POPDC3: variants seen among roughly 807,000 people sequenced by gnomAD.
POPDC3 encodes the protein popeye domain-containing protein 3.
POPDC3 carries 20 observed loss-of-function variants against 28.2 expected under a neutral mutation model. That is an observed-to-expected ratio of 0.71 (90% CI 0.50 to 1.03). The LOEUF (loss-of-function observed/expected upper bound fraction) is 1.03, where lower values mean the gene tolerates loss of function less well. POPDC3 is among the 50% of genes least tolerant of loss of function. The probability of loss-of-function intolerance (pLI) is 0.00; values close to 1 mark genes in which losing one functional copy is unlikely to be tolerated. For synonymous variants in POPDC3, 118 were observed against 124.1 expected, an observed-to-expected ratio of 0.95 and a Z score of 0.33; for missense variants, 316 against 345.9, an observed-to-expected ratio of 0.91 and a Z score of 0.69.
At chr6:105,163,178 T>C (rs571206078) in intron 1 of POPDC3, among the ~76,000 whole-genome samples, 1 of 152,360 alleles carries the variant, frequency 6.6e-6, no homozygotes, top group South Asian at 2.1e-4. Flanking sequence ...GAAACAAATG[T>C]ACTACTTTGT....
chr6:105,172,552 T>C (rs9500049), intron 1 of POPDC3, among the ~76,000 whole-genome samples: 23,684 of 150,324 alleles, frequency 0.16, 3,876 homozygotes, highest in African/African-American at 0.38. Context: ...ACCCAAAGGA[T>C]TATAAATCAT....
chr6:105,166,209 A>G (rs991736461), intron 1 of POPDC3, among the ~76,000 whole-genome samples: 2 of 152,192 alleles, frequency 1.3e-5, no homozygotes, highest in African/African-American at 4.8e-5. Flanking sequence ...CTAAAATGAC[A>G]TGACTCTGTA....
At chr6:105,159,675 G>A (rs762972916) in intron 3 of POPDC3, 36 bp downstream of exon 3, 1 of 1,099,322 alleles carries the variant, frequency 9.1e-7, no homozygotes, top group South Asian at 1.3e-5. Context: ...CTGTTTGAAA[G>A]AGGGAGTGCT....
intron 2 of POPDC3, among the ~76,000 whole-genome samples, chr6:105,161,203 T>A (rs1278696035): frequency 6.6e-6 from 1 of 152,212 alleles, no homozygotes; most frequent in East Asian, 1.9e-4. Context: ...ATTTGATTTC[T>A]AAGATGAAAT....
intron 1 of POPDC3, among the ~76,000 whole-genome samples, chr6:105,172,006 T>C (rs924102856): frequency 4.0e-5 from 6 of 150,910 alleles, no homozygotes; most frequent in African/African-American, 1.5e-4. Flanking sequence ...TTAAAGTCAG[T>C]TGTTGCAAAG....
chr6:105,170,580 C>A (rs1774555170), intron 1 of POPDC3, among the ~76,000 whole-genome samples: 1 of 152,088 alleles, frequency 6.6e-6, no homozygotes, highest in African/African-American at 2.4e-5. Context: ...AGAGAGAATG[C>A]CAGATGTAGA....
intron 1 of POPDC3, chr6:105,179,093 C>T (rs1774733180): frequency 1.0e-6 from 1 of 985,320 alleles, no homozygotes; most frequent in Non-Finnish European, 1.2e-6. Context: ...GGCACTGCCC[C>T]TCTTACTGTA....
chr6:105,166,220 T>G (rs915911068), intron 1 of POPDC3, among the ~76,000 whole-genome samples: 1 of 152,184 alleles, frequency 6.6e-6, no homozygotes, highest in Non-Finnish European at 1.5e-5. Context: ...TGACTCTGTA[T>G]GATGTGGAGT....
chr6:105,168,020 T>C (rs564990904), intron 1 of POPDC3, among the ~76,000 whole-genome samples: 3 of 152,328 alleles, frequency 2.0e-5, no homozygotes, highest in African/African-American at 7.2e-5. Context: ...CATAAGTGTA[T>C]AAATGTGGAA....
chr6:105,175,028 G>C (rs1014344128), intron 1 of POPDC3, among the ~76,000 whole-genome samples: 1 of 151,922 alleles, frequency 6.6e-6, no homozygotes, highest in South Asian at 2.1e-4. Context: ...TGAGCCGGGC[G>C]TGGTGGCACA....
Position 105,158,407 on chromosome 6 carries a change from A to C in POPDC3, c.*63T>G. ...GGGAGCTCTTTTTTTGTATTTTGCT[A>C]TTTCACTGGGGAATGATGAAGAGAG... On this transcript the variant is annotated 3_prime_UTR_variant, in exon 4 of 4. Transcript: ENST00000254765. 2 of 1,392,598 alleles carry C rather than the reference A, an allele frequency of 1.4e-6. No homozygotes were observed. Among genetic ancestry groups the C allele is most frequent in the African/African-American group, 1.4e-5 (1 of 69,492 alleles). 86.3% of individuals were successfully genotyped at this position (1,392,598 alleles called of 1,614,324 possible). A position where few individuals can be genotyped will look rare whatever the true frequency, so the allele number is the denominator to read the frequency against.
chr6:105,165,130 TC>T (rs796514272), intron 1 of POPDC3, among the ~76,000 whole-genome samples: 24 of 152,286 alleles, frequency 1.6e-4, no homozygotes, highest in African/African-American at 5.8e-4. Flanking sequence ...GAGCTCCAAT[TC>T]CCGTCCGCCC....
At chr6:105,171,916 T>C (rs1774585320) in intron 1 of POPDC3, among the ~76,000 whole-genome samples, 1 of 151,068 alleles carries the variant, frequency 6.6e-6, no homozygotes, top group Admixed American at 6.6e-5. Flanking sequence ...ACTCCCAGAC[T>C]CAAGTAATCC....
In POPDC3 at chr6:105,159,785, A is replaced by G. The variant is rs781013534; in HGVS notation, c.520T>C (p.Tyr174His). ...RVTVDGEFLH[Y>H]IFPLQFLDSP... ...TCCAGGAACTGAAGGGGGAAAATGT[A>G]ATGCAGAAATTCGCCATCAACTGTC... The change falls in exon 3 of 4, where the codon TAC becomes CAC. Residue 174 changes from tyrosine to histidine, a missense_variant. By Grantham distance (83) the Tyr-to-His change is moderately conservative. Transcript: ENST00000254765. 1 of 1,613,710 alleles carries G rather than the reference A, an allele frequency of 6.2e-7. No homozygotes were observed. Among genetic ancestry groups the G allele is most frequent in the Non-Finnish European group, 8.5e-7 (1 of 1,179,712 alleles).
chr6:105,164,876 A>G (rs1023371000), intron 1 of POPDC3, among the ~76,000 whole-genome samples: 5 of 152,240 alleles, frequency 3.3e-5, no homozygotes, highest in Admixed American at 2.6e-4. Flanking sequence ...TTAAATTGTT[A>G]AGATTACGAG....
chr6:105,161,803 A>G lies in POPDC3; in HGVS notation c.107T>C (p.Leu36Ser). The G allele has an allele frequency of 6.2e-7, 1 of 1,614,166 alleles. No homozygotes were observed. Among genetic ancestry groups the G allele is most frequent in the South Asian group, 1.1e-5 (1 of 91,074 alleles). Residue 36 changes from leucine to serine, a missense_variant, in exon 2 of 4, where the codon TTA (leucine) becomes TCA (serine). Coordinates refer to ENST00000254765, the MANE Select transcript of POPDC3 (RefSeq NM_022361.5). The part of the protein sequence containing the change: ...EGAIYHLASI[L>S]FVVGFMGGSG... ...GCCACCCATGAAACCTACTACAAAT[A>G]AAATACTGGCAAGATGATAAATGGC...
chr6:105,173,357 C>T (rs914880607), intron 1 of POPDC3, among the ~76,000 whole-genome samples: 1 of 152,136 alleles, frequency 6.6e-6, no homozygotes, highest in African/African-American at 2.4e-5. Flanking sequence ...GGTACTAGCT[C>T]TCCTTCATGC....
chr6:105,179,192 T>C (rs1026840034), intron 1 of POPDC3: 7 of 985,352 alleles, frequency 7.1e-6, no homozygotes, highest in Non-Finnish European at 8.4e-6. Context: ...AATTTAGGGG[T>C]TGGCAAATTT....
chr6:105,160,908 C>T (rs996350280), intron 2 of POPDC3, among the ~76,000 whole-genome samples: 6 of 152,108 alleles, frequency 3.9e-5, no homozygotes, highest in Admixed American at 6.6e-5. Flanking sequence ...TGTTAGCCAC[C>T]GCACCTGGCC....
Sources: gnomAD v4.1 joint callset for allele counts (sites outside exome capture counted in the v4.1 genomes callset) on GRCh38, gnomAD v4.1.1 for gene constraint, MANE v1.5 for transcripts, NCBI Gene and HGNC (gene_info 2026-07-23, HGNC 2026-07-21) for gene names.